NPC1: variants seen among roughly 807,000 people sequenced by gnomAD.
NPC1 encodes the protein Niemann-Pick C1 protein.
NPC1 carries 85 observed loss-of-function variants against 140.4 expected under a neutral mutation model. The ratio of observed to expected loss-of-function variants is 0.61; its 90% CI spans 0.51 to 0.72. The LOEUF is 0.72. Among genes scored for constraint, NPC1 ranks in the 30% least tolerant of loss-of-function variants. The pLI is 0.00. For synonymous variants in NPC1, 656 were observed against 624.8 expected, an observed-to-expected ratio of 1.05 and a Z score of -0.74; for missense variants, 1,504 against 1,623.8, an observed-to-expected ratio of 0.93 and a Z score of 1.27.
intron 1 of NPC1, chr18:23,524,138 GC>G: frequency 6.2e-7 from 1 of 1,614,094 alleles, no homozygotes; most frequent in Non-Finnish European, 8.5e-7. Context: ...AGGTCCTGCT[GC>G]CGTGACCAGC....
At chr18:23,555,958 C>T (rs949009482) in intron 8 of NPC1, among the ~76,000 whole-genome samples, 1 of 152,178 alleles carries the variant, frequency 6.6e-6, no homozygotes, top group Non-Finnish European at 1.5e-5. Flanking sequence ...AATAGAGAAA[C>T]GCCACTGAAG....
intron 9 of NPC1, among the ~76,000 whole-genome samples, chr18:23,554,505 C>G (rs940026851): frequency 6.6e-6 from 1 of 151,822 alleles, no homozygotes; most frequent in Non-Finnish European, 1.5e-5. Flanking sequence ...ACTCAGGAGG[C>G]TGAGGTATGA....
chr18:23,536,428 T>TG (rs1199812782), intron 21 of NPC1, among the ~76,000 whole-genome samples: 1 of 152,232 alleles, frequency 6.6e-6, no homozygotes, highest in Non-Finnish European at 1.5e-5. Context: ...GTGTGTCTCT[T>TG]GCAGCTGTGC....
At position 23,531,854 on chromosome 18, in the gene NPC1, C is replaced by G; in HGVS notation, c.*348G>C. The G allele has an allele frequency of 2.1e-6, 3 of 1,454,012 alleles. No individual in the cohort carries two copies. The highest frequency in any genetic ancestry group is 9.0e-7 in the Non-Finnish European group (1 of 1,111,700). The allele number at this position is 1,454,012 out of a possible 1,614,324, so 90.1% of individuals were successfully genotyped here. A position where few individuals can be genotyped will look rare whatever the true frequency, so the allele number is the denominator to read the frequency against. ...ATAGAACTTGTGGGATGGCTTACTC[C>G]TAAAAGGAGAGACAGACAGTGCATT... On this transcript the variant is annotated 3_prime_UTR_variant, in exon 25 of 25. Coordinates refer to ENST00000269228, the MANE Select transcript of NPC1 (RefSeq NM_000271.5).
chr18:23,575,138 G>C (rs939843060), intron 1 of NPC1, among the ~76,000 whole-genome samples: 1 of 152,220 alleles, frequency 6.6e-6, no homozygotes, highest in African/African-American at 2.4e-5. Flanking sequence ...AGGAGCAGGA[G>C]TGACAAGAGA....
chr18:23,532,356 C>G (rs144276146), intron 24 of NPC1, 72 bp from the exon 25 acceptor site: 4 of 1,541,486 alleles, frequency 2.6e-6, no homozygotes, highest in African/African-American at 1.4e-5. Context: ...TAGTGGCTCA[C>G]GCCTGTAATC....
In NPC1 at chr18:23,531,863, G is replaced by GAGAC. The variant is rs982276630; in HGVS notation, c.*335_*338dup. The GAGAC allele has an allele frequency of 2.8e-6, 4 of 1,449,238 alleles. No homozygotes were observed. Among genetic ancestry groups the GAGAC allele is most frequent in the Non-Finnish European group, 3.6e-6 (4 of 1,109,162 alleles). 89.8% of individuals were successfully genotyped at this position (1,449,238 alleles called of 1,614,324 possible). A position where few individuals can be genotyped will look rare whatever the true frequency, so the allele number is the denominator to read the frequency against. On this transcript the variant is annotated 3_prime_UTR_variant, in exon 25 of 25. Coordinates refer to ENST00000269228, the MANE Select transcript of NPC1 (RefSeq NM_000271.5). ...GTGGGATGGCTTACTCCTAAAAGGAGAGACAGACAGTGCATTGATTGGCCT... is the reference window on the plus strand; with the variant it reads ...GTGGGATGGCTTACTCCTAAAAGGAGAGACAGACAGACAGTGCATTGATTGGCCT...
chr18:23,532,270 T>C lies in NPC1; in HGVS notation c.3769A>G (p.Lys1257Glu), dbSNP rs1162710138. ...LLSYIGPSVN[K>E]AKSCATEERY... ...TCTTCAGTGGCACAACTTTTGGCTTTATTTACTGATGGCCCTATGAGAGAG... is the reference window on the plus strand; with the variant it reads ...TCTTCAGTGGCACAACTTTTGGCTTCATTTACTGATGGCCCTATGAGAGAG... Residue 1257 changes from lysine (K) to glutamate (E), a missense_variant, in exon 25 of 25, where the codon AAA (lysine) becomes GAA (glutamate). Physicochemically the swap from Lys to Glu is moderately conservative, Grantham distance 56 (BLOSUM62 1). Coordinates refer to ENST00000269228, the MANE Select transcript of NPC1 (RefSeq NM_000271.5). The C allele has an allele frequency of 1.9e-6, 3 of 1,614,204 alleles. No individual in the cohort carries two copies. Among genetic ancestry groups the C allele is most frequent in the East Asian group, 2.2e-5 (1 of 44,878 alleles).
In NPC1 at chr18:23,544,950, C is replaced by T. The variant is rs71534236; in HGVS notation, c.1947+10G>A. The stretch of plus-strand genomic sequence containing the variant: ...ACCTCTAGAACATACACCACCCCCC[C>T]CCGGCTTACCAGAAGCCTGCGACAG... On this transcript the variant is annotated intron_variant, in intron 12 of 24. Coordinates refer to ENST00000269228, the MANE Select transcript of NPC1 (RefSeq NM_000271.5). 6.0e-4 allele frequency: 854 copies of T among 1,415,994 alleles called. 32 individuals are homozygous for T. In the African/African-American group the frequency reaches 0.01, roughly 17 times the overall value. 87.7% of individuals were successfully genotyped at this position (1,415,994 alleles called of 1,614,324 possible).
rs876661319 is a variant in NPC1, at chr18:23,536,791, T to C, written c.3127A>G (p.Thr1043Ala). ...VGATYFMTYH[T>A]VLQTSADFID... ...AAGTCAGCAGAGGTCTGCAGCACGG[T>C]GTGGTAGGTCATGAAGTACGTGGCT... The change falls in exon 21 of 25, where the codon ACC becomes GCC. Residue 1043 changes from threonine to alanine, a missense_variant. Physicochemically the swap from Thr to Ala is moderately conservative, Grantham distance 58 (BLOSUM62 0). Transcript: ENST00000269228. 3.7e-6 allele frequency: 6 copies of C among 1,614,038 alleles called. No individual in the cohort carries two copies. The highest frequency in any genetic ancestry group is 4.2e-6 in the Non-Finnish European group (5 of 1,179,990).
At chr18:23,533,269 A>G (rs1258940236) in intron 24 of NPC1, 86 bp downstream of exon 24, 12 of 1,342,508 alleles carry the variant, frequency 8.9e-6, no homozygotes, top group Non-Finnish European at 1.3e-5. Context: ...TATGAGTTCA[A>G]ATACTTGAAA....
At position 23,544,401 on chromosome 18, in the gene NPC1, C is replaced by T. The variant is rs113013085; in HGVS notation, c.2073G>A (p.Pro691=). Residue 691 remains proline, a synonymous_variant, in exon 13 of 25, where the codon CCG becomes CCA. Coordinates refer to ENST00000269228, the MANE Select transcript of NPC1 (RefSeq NM_000271.5). ...CCACTCCAACAGCCAGCACCAGGAA[C>T]GGGATGACTTCAATCACAATGAGGG... ...PLTLIVIEVI[P]FLVLAVGVDN... 10,474 of 1,614,158 alleles carry T rather than the reference C, an allele frequency of 6.5e-3. 51 individuals carry two copies. The highest frequency in any genetic ancestry group is 0.011 in the Middle Eastern group (68 of 6,062).
Position 23,531,997 on chromosome 18 carries a change from T to C in NPC1, c.*205A>G, listed in dbSNP as rs2058526404. On this transcript the variant is annotated 3_prime_UTR_variant, in exon 25 of 25. Transcript: ENST00000269228. ...AGAGGCTGGGAGAAGTTTAGTGTCC[T>C]GTGGTTGCCTCCAGATCTAGTAATA... 2.0e-6 allele frequency: 3 copies of C among 1,477,336 alleles called. No individual in the cohort carries two copies. The highest frequency in any genetic ancestry group is 4.7e-5 in the Admixed American group (2 of 42,798). 91.5% of individuals were successfully genotyped at this position (1,477,336 alleles called of 1,614,324 possible).
chr18:23,529,290 G>A, downstream of NPC1: 1 of 1,610,304 alleles, frequency 6.2e-7, no homozygotes, highest in Non-Finnish European at 8.5e-7. Flanking sequence ...AGCCTTTGTG[G>A]AAAAGAAGGT....
At chr18:23,521,690 TCTCTC>T (rs1469434317), downstream of NPC1, among the ~76,000 whole-genome samples, 5 of 70,928 alleles carry the variant, frequency 7.0e-5, no homozygotes, top group East Asian at 1.9e-3. Flanking sequence ...ACACACACTC[TCTCTC>T]TTTTTTTTTT....
chr18:23,586,475 G>A lies in NPC1; in HGVS notation c.-132C>T. 2.1e-6 allele frequency: 3 copies of A among 1,435,088 alleles called. No individual in the cohort carries two copies. Among genetic ancestry groups the A allele is most frequent in the South Asian group, 1.5e-5 (1 of 68,696 alleles). The allele number at this position is 1,435,088 out of a possible 1,614,324, so 88.9% of individuals were successfully genotyped here. A position where few individuals can be genotyped will look rare whatever the true frequency, so the allele number is the denominator to read the frequency against. On this transcript the variant is annotated 5_prime_UTR_variant, in exon 1 of 25. Transcript: ENST00000269228. ...GGAGGAGCAGGAGCAGGCGCTGACC[G>A]CGGCAGCAGGCTGCGCGCGCCGGTC...
rs2145485704 is a variant in NPC1 at position 23,561,529 on chromosome 18, T to G, written c.464-2A>C. On this transcript the variant is annotated splice_acceptor_variant, in intron 4 of 24. Coordinates refer to ENST00000269228, the MANE Select transcript of NPC1 (RefSeq NM_000271.5). LOFTEE classifies it high-confidence loss of function. The stretch of plus-strand genomic sequence containing the variant: ...CATCCCGGCAGGCATTGTACATTGC[T>G]AGAAGAGGAAACCCAAAGGAAAAAG... 2 of 1,613,890 alleles carry G rather than the reference T, an allele frequency of 1.2e-6. No individual in the cohort carries two copies. The highest frequency in any genetic ancestry group is 1.7e-6 in the Non-Finnish European group (2 of 1,179,988).
chr18:23,565,171 C>G (rs894948974), intron 4 of NPC1, among the ~76,000 whole-genome samples: 1 of 152,134 alleles, frequency 6.6e-6, no homozygotes, highest in Non-Finnish European at 1.5e-5. Flanking sequence ...ATTTCAGAAT[C>G]AGCTTGTCAA....
chr18:23,507,393 T>C (rs1404348400), intron 3 of NPC1, among the ~76,000 whole-genome samples: 4 of 152,082 alleles, frequency 2.6e-5, no homozygotes, highest in African/African-American at 9.7e-5. Flanking sequence ...CCTTAAAAAT[T>C]GTTAAAAAAT....
Sources: gnomAD v4.1 joint callset for allele counts (sites outside exome capture counted in the v4.1 genomes callset) on GRCh38, gnomAD v4.1.1 for gene constraint, MANE v1.5 for transcripts, NCBI Gene and HGNC (gene_info 2026-07-23, HGNC 2026-07-21) for gene names.